Variants in CNBD1 observed in about 807,000 individuals in gnomAD.
CNBD1 encodes cyclic nucleotide binding domain containing 1.
CNBD1 carries 71 observed loss-of-function variants against 54.4 expected under a neutral mutation model. The observed-to-expected ratio is 1.30, with a 90% confidence interval of 1.08 to 1.59. The LOEUF is 1.59. Among genes scored for constraint, CNBD1 ranks in the 40% most tolerant of loss-of-function variants. The pLI is 0.00. For synonymous variants in CNBD1, 182 were observed against 170.7 expected (o/e 1.07, Z -0.51); for missense variants, 659 against 518.0 (o/e 1.27, Z -2.64).
chr8:87,316,538 G>T (rs1329932348), intron 8 of CNBD1, among the ~76,000 whole-genome samples: 1 of 151,948 alleles, frequency 6.6e-6, no homozygotes, highest in Non-Finnish European at 1.5e-5. Flanking sequence ...AAAACAGTGT[G>T]TGTCTAAAAG....
At chr8:87,246,546 A>G (rs1232301242) in intron 6 of CNBD1, among the ~76,000 whole-genome samples, 1 of 152,176 alleles carries the variant, frequency 6.6e-6, no homozygotes, top group African/African-American at 2.4e-5. Flanking sequence ...AACAATAAGA[A>G]TATTTTTTAT....
At position 87,185,513 on chromosome 8, in the gene CNBD1, TTA is replaced by T. The variant is rs562645259; in HGVS notation, c.432-20479_432-20478del. Reference sequence around the variant, plus strand: ...TTTCAAATCTTGCTTTTAGATATTGTTAGGCAGGATCAGCACAGCATTTAGTC... The same window carrying T: ...TTTCAAATCTTGCTTTTAGATATTGTGGCAGGATCAGCACAGCATTTAGTC... On this transcript the variant is annotated intron_variant, in intron 4 of 10. Coordinates refer to ENST00000518476, the MANE Select transcript of CNBD1 (RefSeq NM_173538.3). 2.6e-5 allele frequency among the ~76,000 whole-genome samples: 4 copies of T among 152,308 alleles called. No individual in the cohort carries two copies. The South Asian group carries it at 6.2e-4, about 24-fold the overall frequency.
chr8:87,307,603 A>G (rs187538332), intron 8 of CNBD1, among the ~76,000 whole-genome samples: 1 of 151,850 alleles, frequency 6.6e-6, no homozygotes, highest in Non-Finnish European at 1.5e-5. Context: ...CTGGGCATGG[A>G]GGCACATGCC....
At chr8:87,372,771 T>C (rs560454857) in intron 10 of CNBD1, among the ~76,000 whole-genome samples, 314 of 151,952 alleles carry the variant, frequency 2.1e-3, no homozygotes, top group Non-Finnish European at 3.2e-3. Flanking sequence ...ACCTCATATA[T>C]GGCAAATTTT....
chr8:87,396,756 T>C (rs566942187), intron 2 of CNBD1, among the ~76,000 whole-genome samples: 1 of 151,950 alleles, frequency 6.6e-6, no homozygotes, highest in South Asian at 2.1e-4. Context: ...TTGGAAATAA[T>C]TTCTTCAGTC....
intron 7 of CNBD1, among the ~76,000 whole-genome samples, chr8:87,286,328 C>A (rs985561048): frequency 1.3e-5 from 2 of 151,966 alleles, no homozygotes; most frequent in Non-Finnish European, 2.9e-5. Flanking sequence ...GAAAGGTGAG[C>A]AAATATAATT....
intron 6 of CNBD1, among the ~76,000 whole-genome samples, chr8:87,274,798 C>A (rs1339094703): frequency 3.7e-5 from 5 of 134,598 alleles, no homozygotes; most frequent in Admixed American, 3.5e-4. Flanking sequence ...TCAATTTTGG[C>A]TTTTGTTGCC....
At chr8:87,015,232 G>A (rs545577080) in intron 4 of CNBD1, among the ~76,000 whole-genome samples, 1 of 152,156 alleles carries the variant, frequency 6.6e-6, no homozygotes, top group Non-Finnish European at 1.5e-5. Flanking sequence ...CTGGAGGCTG[G>A]AGTGCAGTGG....
At chr8:87,271,196 T>C (rs1226436867) in intron 6 of CNBD1, among the ~76,000 whole-genome samples, 1 of 151,840 alleles carries the variant, frequency 6.6e-6, no homozygotes, top group Non-Finnish European at 1.5e-5. Context: ...TTCTCTACTT[T>C]GTTTATCTTT....
rs182431933 is a variant in CNBD1 at position 87,157,496 on chromosome 8, A to C, written c.432-48497A>C. Among the ~76,000 whole-genome samples the C allele has an allele frequency of 2.9e-3, 445 of 152,312 alleles. 4 individuals carry two copies. The highest frequency in any genetic ancestry group is 0.01 in the African/African-American group (423 of 41,586). On this transcript the variant is annotated intron_variant, in intron 4 of 10. Transcript: ENST00000518476. ...GCATTATGACTGTCCTGTTACTTGG[A>C]GTCGTTGACAACTGACTAAACATAG...
chr8:87,294,191 A>C (rs1808833511), intron 8 of CNBD1, among the ~76,000 whole-genome samples: 2 of 152,192 alleles, frequency 1.3e-5, no homozygotes, highest in Non-Finnish European at 2.9e-5. Context: ...AATGGAGATA[A>C]GAAGTAGTGG....
chr8:87,399,361 C>T (rs1430635540), intron 2 of CNBD1, among the ~76,000 whole-genome samples: 3 of 152,088 alleles, frequency 2.0e-5, no homozygotes, highest in East Asian at 1.9e-4. Context: ...TAGGACCTTT[C>T]CTGAGTCTTT....
chr8:86,913,460 TTG>T lies in CNBD1; in HGVS notation c.272+8267_272+8268del, dbSNP rs543400440. Among the ~76,000 whole-genome samples, 89 of 152,216 alleles carry T rather than the reference TTG, an allele frequency of 5.8e-4. 1 individual carries two copies. Among genetic ancestry groups the T allele is most frequent in the African/African-American group, 1.7e-3 (70 of 41,510 alleles). On this transcript the variant is annotated intron_variant, in intron 3 of 10. Transcript: ENST00000518476. ...GGTTATTTTCTATTTTCCCTAAGTG[TTG>T]GCTGGTCTGAGAAATAAAGGGAAAA...
intron 4 of CNBD1, among the ~76,000 whole-genome samples, chr8:86,986,530 G>A (rs1263153723): frequency 6.6e-6 from 1 of 152,066 alleles, no homozygotes; most frequent in African/African-American, 2.4e-5. Context: ...GGTTCCAGTT[G>A]ACAATTTTTG....
Position 87,295,772 on chromosome 8 carries a change from T to G in CNBD1, c.1042+9101T>G, listed in dbSNP as rs535153595. ...GTTGGATTTCTCTTCACCTAAAAAATAAAATTGCATAATTTCATTTTCTCA... is the reference window on the plus strand; with the variant it reads ...GTTGGATTTCTCTTCACCTAAAAAAGAAAATTGCATAATTTCATTTTCTCA... On this transcript the variant is annotated intron_variant, in intron 8 of 10. Transcript: ENST00000518476. Among the ~76,000 whole-genome samples the G allele has an allele frequency of 2.0e-5, 3 of 152,290 alleles. 1 individual carries two copies. Among genetic ancestry groups the G allele is most frequent in the Admixed American group, 2.0e-4 (3 of 15,286 alleles).
chr8:87,250,971 G>C (rs1341794882), intron 6 of CNBD1, among the ~76,000 whole-genome samples: 1 of 151,992 alleles, frequency 6.6e-6, no homozygotes, highest in Non-Finnish European at 1.5e-5. Flanking sequence ...ATAACCAAAA[G>C]AATGGAATTG....
At chr8:87,377,546 C>G (rs1381710277) in intron 10 of CNBD1, among the ~76,000 whole-genome samples, 1 of 151,872 alleles carries the variant, frequency 6.6e-6, no homozygotes, top group Non-Finnish European at 1.5e-5. Flanking sequence ...TTAATCCAGT[C>G]TATCATTGTT....
intron 8 of CNBD1, among the ~76,000 whole-genome samples, chr8:87,306,995 C>T (rs970794236): frequency 7.2e-5 from 11 of 151,930 alleles, no homozygotes; most frequent in African/African-American, 2.7e-4. Flanking sequence ...AAATAAATGA[C>T]CTAACCTCAA....
At chr8:87,404,359 G>C (rs1033773966) in intron 2 of CNBD1, among the ~76,000 whole-genome samples, 2 of 151,968 alleles carry the variant, frequency 1.3e-5, no homozygotes, top group Non-Finnish European at 2.9e-5. Context: ...TTGGTGCTTT[G>C]ATACTTAAAA....
Sources: gnomAD v4.1 joint callset for allele counts (sites outside exome capture counted in the v4.1 genomes callset) on GRCh38, gnomAD v4.1.1 for gene constraint, MANE v1.5 for transcripts, NCBI Gene and HGNC (gene_info 2026-07-23, HGNC 2026-07-21) for gene names.